The following PYY variants were observed in gnomAD, a reference collection of about 807,000 sequenced individuals.
PYY encodes the protein peptide tyrosine tyrosine.
Under a neutral mutation model 10.3 loss-of-function variants are expected in PYY, and 12 were observed. That is an observed-to-expected ratio of 1.17 (90% CI 0.75 to 1.89). The LOEUF (loss-of-function observed/expected upper bound fraction) is 1.89. Ranked by LOEUF, PYY falls within the 40% of genes most tolerant of loss-of-function variation. PYY has a pLI of 0.00. For synonymous variants in PYY, 66 were observed against 62.0 expected, an observed-to-expected ratio of 1.06 and a Z score of -0.30; for missense variants, 141 against 134.0, an observed-to-expected ratio of 1.05 and a Z score of -0.26.
At chr17:43,992,649 G>A (rs1361868186) in intron 1 of PYY, among the ~76,000 whole-genome samples, 5 of 151,998 alleles carry the variant, frequency 3.3e-5, no homozygotes, top group African/African-American at 9.7e-5. Flanking sequence ...GGAGGTTGCC[G>A]TGAGCTGAGA....
At chr17:43,970,555 C>T (rs2048785402) in intron 1 of PYY, among the ~76,000 whole-genome samples, 1 of 151,646 alleles carries the variant, frequency 6.6e-6, no homozygotes, top group Non-Finnish European at 1.5e-5. Context: ...TGACAGATAG[C>T]TAGGTCAATG....
chr17:43,959,351 T>G (rs1037861806), intron 2 of PYY, among the ~76,000 whole-genome samples: 14 of 152,248 alleles, frequency 9.2e-5, no homozygotes, highest in African/African-American at 3.4e-4. Context: ...AGGGTATTTC[T>G]ATTTAATGGC....
rs184849791 is a variant in PYY, at chr17:43,977,376, C to T, written c.-462-10844G>A. Among the ~76,000 whole-genome samples the T allele has an allele frequency of 1.0e-3, 159 of 152,208 alleles. 2 individuals are homozygous for T. Among genetic ancestry groups the T allele is most frequent in the African/African-American group, 3.5e-3 (146 of 41,528 alleles). ...TGACCCACTCCCACCTTTCCGCCAC[C>T]TCCCAGGGAGAACAAGGCCCAAGTC... is the stretch of plus-strand genomic sequence containing the variant. On this transcript the variant is annotated intron_variant, in intron 1 of 6. Transcript: ENST00000360085.
chr17:43,998,183 C>T (rs2049003324), intron 1 of PYY, among the ~76,000 whole-genome samples: 1 of 151,954 alleles, frequency 6.6e-6, no homozygotes, highest in African/African-American at 2.4e-5. Flanking sequence ...AGGTCATCTG[C>T]CCACTTTGGC....
rs2048640353 is a variant in PYY, at chr17:43,952,848, GC to G, written c.*107del. 7.6e-7 allele frequency: 1 copy of G among 1,312,882 alleles called. No homozygotes were observed. The highest frequency in any genetic ancestry group is 1.5e-5 in the African/African-American group (1 of 65,760). The allele number at this position is 1,312,882 out of a possible 1,614,324, so 81.3% of individuals were successfully genotyped here. ...GGGCGGAGGGCCGCACCCGAACCCT[GC>G]CCAGACGCCGCCGTCGGGAGGCAGA... On this transcript the variant is annotated 3_prime_UTR_variant, in exon 4 of 4. Transcript: ENST00000692052.
upstream of PYY, among the ~76,000 whole-genome samples, chr17:43,957,196 CAA>C (rs60997602): frequency 0.024 from 1,627 of 66,536 alleles, 27 homozygotes; most frequent in African/African-American, 0.071. Context: ...AAACTGTCTC[CAA>C]AAAAAAAAAA....
intron 1 of PYY, among the ~76,000 whole-genome samples, chr17:43,966,975 T>C (rs895101750): frequency 4.6e-5 from 7 of 152,284 alleles, no homozygotes; most frequent in African/African-American, 1.7e-4. Context: ...AGAAGGCTAT[T>C]CCTATCCCAC....
At chr17:43,977,940 C>T (rs1034923039) in intron 1 of PYY, among the ~76,000 whole-genome samples, 1 of 152,180 alleles carries the variant, frequency 6.6e-6, no homozygotes, top group African/African-American at 2.4e-5. Context: ...TGGCTCACAC[C>T]TGTAATCCCA....
At chr17:44,002,199 C>G (rs994175754) in intron 1 of PYY, among the ~76,000 whole-genome samples, 4 of 152,140 alleles carry the variant, frequency 2.6e-5, no homozygotes, top group East Asian at 1.9e-4. Context: ...GTCTCCCCCC[C>G]GGGACAGTGT....
intron 1 of PYY, among the ~76,000 whole-genome samples, chr17:43,983,985 G>T (rs1248121598): frequency 6.6e-6 from 1 of 152,210 alleles, no homozygotes; most frequent in Non-Finnish European, 1.5e-5. Context: ...CTTATCTCCC[G>T]CAAACACCGC....
intron 2 of PYY, among the ~76,000 whole-genome samples, chr17:43,963,570 AAAAGAAAGAAAGAAAGAAAGAAAGAAAG>A (rs1162426873): frequency 0.032 from 3,358 of 104,636 alleles, 156 homozygotes; most frequent in African/African-American, 0.11. Flanking sequence ...GGAAGGAAGG[AAAAGAAAGAAAGAAAGAAAGAAAGAAAG>A]AAAGAAAGAA....
At chr17:43,976,385 G>A (rs148528150) in intron 1 of PYY, among the ~76,000 whole-genome samples, 53 of 134,400 alleles carry the variant, frequency 3.9e-4, no homozygotes, top group Non-Finnish European at 7.1e-4. Flanking sequence ...ACACATACAT[G>A]TATACATATA....
chr17:44,000,595 C>CTTTTTT (rs761936324), intron 1 of PYY, among the ~76,000 whole-genome samples: 1 of 130,260 alleles, frequency 7.7e-6, no homozygotes. Context: ...GAGACTGAGT[C>CTTTTTT]TTGCTCTGTC....
intron 2 of PYY, among the ~76,000 whole-genome samples, chr17:43,961,840 C>T (rs2048714870): frequency 6.6e-6 from 1 of 152,052 alleles, no homozygotes; most frequent in Non-Finnish European, 1.5e-5. Flanking sequence ...ATTCCATTTT[C>T]CCCAACCCTC....
intron 1 of PYY, among the ~76,000 whole-genome samples, chr17:43,988,231 A>T (rs1454752788): frequency 6.6e-6 from 1 of 152,218 alleles, no homozygotes. Flanking sequence ...TTCCAGGTAG[A>T]TTAAAGAGTT....
intron 1 of PYY, among the ~76,000 whole-genome samples, chr17:43,979,286 A>C (rs1039671294): frequency 3.9e-5 from 6 of 152,332 alleles, no homozygotes; most frequent in Non-Finnish European, 5.9e-5. Context: ...TTGGAGTCTT[A>C]TTAAGCCCTC....
chr17:43,968,850 G>A (rs1483503838), intron 1 of PYY, among the ~76,000 whole-genome samples: 2 of 151,712 alleles, frequency 1.3e-5, no homozygotes, highest in Non-Finnish European at 2.9e-5. Flanking sequence ...GCTCAAGCCT[G>A]TAATCCCAGC....
intron 1 of PYY, among the ~76,000 whole-genome samples, chr17:43,984,757 A>T (rs2048905626): frequency 6.6e-6 from 1 of 152,204 alleles, no homozygotes; most frequent in Non-Finnish European, 1.5e-5. Flanking sequence ...TGCCCTGCCC[A>T]ATGCATCTGG....
intron 1 of PYY, among the ~76,000 whole-genome samples, chr17:43,976,409 T>A (rs200528746): frequency 0.074 from 1,905 of 25,576 alleles, 43 homozygotes; most frequent in African/African-American, 0.28. Context: ...ATATACATAT[T>A]CATGTATACA....
Sources: gnomAD v4.1 joint callset for allele counts (sites outside exome capture counted in the v4.1 genomes callset) on GRCh38, gnomAD v4.1.1 for gene constraint, MANE v1.5 for transcripts, NCBI Gene and HGNC (gene_info 2026-07-23, HGNC 2026-07-21) for gene names.